Variants in LAMB3 observed in about 807,000 individuals in gnomAD.
LAMB3 encodes laminin subunit beta 3.
LAMB3 carries 104 observed loss-of-function variants against 140.3 expected under a neutral mutation model. The ratio of observed to expected loss-of-function variants is 0.74; its 90% CI spans 0.63 to 0.87. The LOEUF (loss-of-function observed/expected upper bound fraction) is 0.87, where lower values mean the gene tolerates loss of function less well. LAMB3 is among the 40% of genes least tolerant of loss of function. LAMB3 has a pLI of 0.00. For synonymous variants in LAMB3, 592 were observed against 602.9 expected (o/e 0.98, Z 0.26); for missense variants, 1,531 against 1,575.2 (o/e 0.97, Z 0.47).
intron 5 of LAMB3, 100 bp from the exon 6 acceptor site, chr1:209,634,738 G>C (rs1666834324): frequency 2.0e-6 from 2 of 1,020,438 alleles, no homozygotes; most frequent in East Asian, 5.2e-5. Context: ...TCGGGAGAAA[G>C]GGGGCCCAGT....
In LAMB3 at chr1:209,623,746, A is replaced by T; in HGVS notation, c.2138-21T>A. ...GGCTCCTGTGGCGAGAAGCATGAGG[A>T]ATGGAGATGGAGGAGGAGCAGGAGG... is the stretch of plus-strand genomic sequence containing the variant. On this transcript the variant is annotated intron_variant, in intron 15 of 22. Coordinates refer to ENST00000356082, the MANE Select transcript of LAMB3 (RefSeq NM_000228.3). The surrounding 1 kb of genome is among the most constrained non-coding windows in gnomAD (Gnocchi z 4.2). 1 of 1,613,824 alleles carries T rather than the reference A, an allele frequency of 6.2e-7. No individual in the cohort carries two copies. The highest frequency in any genetic ancestry group is 8.5e-7 in the Non-Finnish European group (1 of 1,179,914).
Position 209,618,622 on chromosome 1 carries a change from G to A in LAMB3, c.2739C>T (p.Ser913=), listed in dbSNP as rs555013361. The A allele has an allele frequency of 1.1e-5, 18 of 1,614,108 alleles. No individual in the cohort carries two copies. The highest frequency in any genetic ancestry group is 1.5e-5 in the Non-Finnish European group (18 of 1,180,034). ...DTDAATIQEV[S]EAVLALWLPT... ...GCAGCCACAGGGCCAGCACGGCCTC[G>A]CTGACCTCCTGGATAGTGGCTGCAT... The change falls in exon 19 of 23, where the codon AGC becomes AGT. Residue 913 remains serine (S), a synonymous_variant. Transcript: ENST00000356082.
chr1:209,630,157 A>C (rs1417595532), intron 9 of LAMB3, among the ~76,000 whole-genome samples: 1 of 152,116 alleles, frequency 6.6e-6, no homozygotes, highest in Non-Finnish European at 1.5e-5. Flanking sequence ...GTTGGAATAA[A>C]CCCAAGAACA....
intron 6 of LAMB3, among the ~76,000 whole-genome samples, chr1:209,633,501 G>A (rs191654190): frequency 7.9e-5 from 12 of 152,164 alleles, no homozygotes; most frequent in Non-Finnish European, 1.6e-4. Context: ...CCAAGGATGC[G>A]TGAATGTGGG....
At chr1:209,620,470 A>G (rs1322311791) in intron 18 of LAMB3, among the ~76,000 whole-genome samples, 1 of 152,202 alleles carries the variant, frequency 6.6e-6, no homozygotes, top group East Asian at 1.9e-4. Flanking sequence ...GACGATCCAG[A>G]GAGAGGAAAA....
intron 3 of LAMB3, among the ~76,000 whole-genome samples, chr1:209,643,147 G>T (rs2076485893): frequency 6.6e-6 from 1 of 152,234 alleles, no homozygotes; most frequent in Non-Finnish European, 1.5e-5. Flanking sequence ...GTAGTTTATG[G>T]CAGAAGCCCA....
intron 3 of LAMB3, among the ~76,000 whole-genome samples, chr1:209,641,421 C>T (rs1008510785): frequency 1.4e-4 from 21 of 152,298 alleles, no homozygotes; most frequent in African/African-American, 5.1e-4. Context: ...AATGCTGAGG[C>T]ACAAAGAGGC....
intron 22 of LAMB3, 77 bp downstream of exon 22, chr1:209,616,394 G>A (rs926406007): frequency 1.9e-6 from 3 of 1,539,666 alleles, no homozygotes; most frequent in African/African-American, 2.7e-5. Context: ...ATAAGAACGG[G>A]CTTCAGAAGC....
chr1:209,641,344 C>T (rs2076467547), intron 3 of LAMB3, among the ~76,000 whole-genome samples: 1 of 152,046 alleles, frequency 6.6e-6, no homozygotes, highest in South Asian at 2.1e-4. Context: ...AGTTTCAATG[C>T]AATAACCTAC....
chr1:209,622,474 A>T, intron 18 of LAMB3, 62 bp downstream of exon 18: 1 of 1,598,590 alleles, frequency 6.3e-7, no homozygotes, highest in Non-Finnish European at 8.6e-7. Context: ...TGCACTGAAC[A>T]TGGGAATGCG....
rs961703651 is a variant in LAMB3, at chr1:209,623,696, C to T, written c.2167G>A (p.Glu723Lys). Residue 723 changes from glutamate to lysine, a missense_variant, in exon 16 of 23, where the codon GAG becomes AAG. Glu to Lys is a moderately conservative substitution (Grantham distance 56). Coordinates refer to ENST00000356082, the MANE Select transcript of LAMB3 (RefSeq NM_000228.3). This position sits in a 1 kb window ranked among gnomAD's most constrained non-coding sequence, Gnocchi z 4.2. The part of the protein sequence containing the change: ...GAFRMLSTAY[E>K]QSAQAAQQVS... Reference sequence around the variant, plus strand: ...TGCTGAGCAGCCTGGGCTGACTGCTCGTAGGCTGTGCTCAGCATCCGGAAG... The same window carrying T: ...TGCTGAGCAGCCTGGGCTGACTGCTTGTAGGCTGTGCTCAGCATCCGGAAG... 9 of 1,613,928 alleles carry T rather than the reference C, an allele frequency of 5.6e-6. No individual in the cohort carries two copies. The East Asian group carries it at 6.7e-5, about 12-fold the overall frequency.
intron 3 of LAMB3, 55 bp from the exon 4 acceptor site, chr1:209,638,703 C>A: frequency 8.5e-7 from 1 of 1,173,026 alleles, no homozygotes; most frequent in Non-Finnish European, 1.3e-6. Flanking sequence ...TAGAATTCCC[C>A]CTTGCGTCCT....
Position 209,615,379 on chromosome 1 carries a change from G to A in LAMB3, c.3411C>T (p.Ser1137=), listed in dbSNP as rs771886651. 2.5e-5 allele frequency: 40 copies of A among 1,609,544 alleles called. No individual in the cohort carries two copies. In the South Asian group the frequency reaches 2.9e-4, roughly 12 times the overall value. The part of the protein sequence containing the change: ...KDMELELLRG[S]QAIMLRSADL... ...CCGCTGAGCGCAGCATGATGGCCTG[G>A]CTGCCCCGCAGCAGCTCCAACTCCA... The change falls in exon 23 of 23, where the codon AGC becomes AGT. Residue 1137 remains serine (S), a synonymous_variant. Transcript: ENST00000356082.
At chr1:209,615,533 TG>T (rs1261612003) in intron 22 of LAMB3, 126 bp from the exon 23 acceptor site, 1 of 1,184,496 alleles carries the variant, frequency 8.4e-7, no homozygotes, top group African/African-American at 1.5e-5. Flanking sequence ...CAGAAAAATC[TG>T]GCCTCTAAAG....
intron 18 of LAMB3, 91 bp from the exon 19 acceptor site, chr1:209,618,750 AC>A: frequency 8.1e-7 from 1 of 1,240,534 alleles, no homozygotes; most frequent in Non-Finnish European, 1.1e-6. Context: ...TGTGGAAGGC[AC>A]CCACAGTGGC....
rs765400469 is a variant in LAMB3, at chr1:209,623,645, C to A, written c.2218G>T (p.Asp740Tyr). 3.1e-6 allele frequency: 5 copies of A among 1,614,228 alleles called. No homozygotes were observed. The highest frequency in any genetic ancestry group is 1.7e-6 in the Non-Finnish European group (2 of 1,180,038). ...QQVSDSSRLL[D>Y]QLRDSRREAE... ...TCTCTCCGGCTGTCCCTGAGCTGGT[C>A]CAAAAGGCGCGAGCTGTCGGAGACC... is the stretch of plus-strand genomic sequence containing the variant. Residue 740 changes from aspartate to tyrosine, a missense_variant, in exon 16 of 23, where the codon GAC becomes TAC. Asp to Tyr is a radical substitution (Grantham distance 160). Coordinates refer to ENST00000356082, the MANE Select transcript of LAMB3 (RefSeq NM_000228.3). The surrounding 1 kb of genome is among the most constrained non-coding windows in gnomAD (Gnocchi z 4.2).
chr1:209,617,694 GAACA>G, intron 20 of LAMB3, 108 bp from the exon 21 acceptor site: 2 of 1,380,952 alleles, frequency 1.4e-6, no homozygotes, highest in Non-Finnish European at 2.0e-6. Context: ...TCTCCAACCA[GAACA>G]AACACAATTG....
intron 3 of LAMB3, among the ~76,000 whole-genome samples, chr1:209,644,878 G>A (rs2102457385): frequency 6.6e-6 from 1 of 152,306 alleles, no homozygotes; most frequent in Non-Finnish European, 1.5e-5. Context: ...ATGGCACCCA[G>A]GCAGGGGGTA....
At chr1:209,649,812 G>T (rs2076548978) in intron 3 of LAMB3, 152 bp downstream of exon 3, 1 of 832,872 alleles carries the variant, frequency 1.2e-6, no homozygotes, top group Non-Finnish European at 2.0e-6. Flanking sequence ...TAGAGGCAAG[G>T]ATCTGGCCTT....
Sources: allele counts gnomAD v4.1 joint callset (sites outside exome capture counted in the v4.1 genomes callset), GRCh38; gene constraint gnomAD v4.1.1; non-coding constraint Gnocchi (gnomAD v3.1); transcripts MANE v1.5; gene names NCBI Gene and HGNC (gene_info 2026-07-23, HGNC 2026-07-21).